Variants in ROBO1 observed in about 807,000 individuals in gnomAD.
ROBO1 encodes the protein roundabout guidance receptor 1.
In ROBO1, 149 loss-of-function variants were observed where a neutral mutation model predicts 195.9. The observed-to-expected ratio is 0.76, with a 90% confidence interval of 0.67 to 0.87. The LOEUF is 0.87. Ranked by LOEUF, ROBO1 falls within the 40% of genes least tolerant of loss-of-function variation. ROBO1 has a pLI of 0.00. For synonymous variants in ROBO1, 816 were observed against 733.2 expected (o/e 1.11, Z -1.82); for missense variants, 1,933 against 2,068.3 (o/e 0.93, Z 1.27).
intron 4 of ROBO1, among the ~76,000 whole-genome samples, chr3:78,797,281 T>C (rs1197443910): frequency 6.6e-6 from 1 of 152,244 alleles, no homozygotes; most frequent in African/African-American, 2.4e-5. Flanking sequence ...CTAATGCCAG[T>C]CACACTGTAA....
intron 3 of ROBO1, among the ~76,000 whole-genome samples, chr3:79,008,825 G>A (rs936878156): frequency 6.9e-6 from 1 of 145,116 alleles, no homozygotes. Context: ...CTGGGCTTAA[G>A]CAATCCTCCC....
chr3:79,109,567 T>C (rs2079847391), intron 3 of ROBO1, among the ~76,000 whole-genome samples: 1 of 152,134 alleles, frequency 6.6e-6, no homozygotes, highest in African/African-American at 2.4e-5. Flanking sequence ...CTATAAATCA[T>C]TCCCATGCAT....
intron 4 of ROBO1, among the ~76,000 whole-genome samples, chr3:78,778,468 C>T (rs1017175908): frequency 2.6e-5 from 4 of 152,108 alleles, no homozygotes; most frequent in Admixed American, 2.0e-4. Flanking sequence ...CATTCCTATA[C>T]ACCAGTAATA....
At chr3:79,393,132 T>C (rs1575765641) in intron 2 of ROBO1, among the ~76,000 whole-genome samples, 2 of 152,230 alleles carry the variant, frequency 1.3e-5, no homozygotes, top group East Asian at 3.8e-4. Context: ...TACTTGTCCA[T>C]CTATCATTTG....
At chr3:79,626,207 G>A (rs897681851) in intron 1 of ROBO1, among the ~76,000 whole-genome samples, 1 of 152,186 alleles carries the variant, frequency 6.6e-6, no homozygotes, top group African/African-American at 2.4e-5. Context: ...AGCACTTTGA[G>A]AGGCTGAGGT....
At chr3:79,685,531 G>A (rs1947077805) in intron 1 of ROBO1, among the ~76,000 whole-genome samples, 1 of 152,120 alleles carries the variant, frequency 6.6e-6, no homozygotes, top group African/African-American at 2.4e-5. Context: ...ACAACGTCCT[G>A]GGATAAAGCA....
intron 2 of ROBO1, among the ~76,000 whole-genome samples, chr3:79,153,721 AAT>A (rs2080811551): frequency 6.8e-6 from 1 of 147,844 alleles, no homozygotes; most frequent in Non-Finnish European, 1.5e-5. Context: ...TATTTATTTG[AAT>A]ATATATTAAA....
intron 3 of ROBO1, among the ~76,000 whole-genome samples, chr3:78,941,665 G>A (rs773881653): frequency 3.3e-5 from 5 of 152,106 alleles, no homozygotes; most frequent in South Asian, 2.1e-4. Flanking sequence ...AGTCAGAAAC[G>A]GAAGACAGGT....
At chr3:78,983,000 T>G (rs902398010) in intron 3 of ROBO1, among the ~76,000 whole-genome samples, 1 of 152,034 alleles carries the variant, frequency 6.6e-6, no homozygotes, top group African/African-American at 2.4e-5. Context: ...CTCTGCCACC[T>G]GGGCTCCAGG....
At chr3:79,389,808 G>A (rs1393573288) in intron 2 of ROBO1, among the ~76,000 whole-genome samples, 3 of 152,144 alleles carry the variant, frequency 2.0e-5, no homozygotes, top group African/African-American at 7.2e-5. Context: ...AAAAAAACAG[G>A]TGTGGTCCAG....
intron 1 of ROBO1, among the ~76,000 whole-genome samples, chr3:79,701,613 G>T (rs1947623964): frequency 6.6e-6 from 1 of 151,534 alleles, no homozygotes; most frequent in South Asian, 2.1e-4. Context: ...TTATTATACA[G>T]ATGAAAAAAC....
intron 4 of ROBO1, among the ~76,000 whole-genome samples, chr3:78,886,193 G>C (rs2107318612): frequency 6.6e-6 from 1 of 151,842 alleles, no homozygotes; most frequent in South Asian, 2.1e-4. Context: ...CTTTTAGGAG[G>C]AAGAAACAAT....
chr3:79,265,490 T>C (rs1374390267), intron 2 of ROBO1, among the ~76,000 whole-genome samples: 1 of 151,592 alleles, frequency 6.6e-6, no homozygotes, highest in East Asian at 1.9e-4. Flanking sequence ...GTTTAATATC[T>C]AGAGGAGAGA....
intron 5 of ROBO1, among the ~76,000 whole-genome samples, chr3:78,733,632 C>A (rs535203744): frequency 6.6e-6 from 1 of 152,204 alleles, no homozygotes; most frequent in African/African-American, 2.4e-5. Context: ...AGAAATATTT[C>A]ATCTGATTAA....
chr3:79,558,143 T>C (rs1342350647), intron 2 of ROBO1, among the ~76,000 whole-genome samples: 1 of 152,158 alleles, frequency 6.6e-6, no homozygotes, highest in Non-Finnish European at 1.5e-5. Flanking sequence ...GTCCACTCAT[T>C]TGCAGATTTT....
rs1269220710 is a variant in ROBO1, at chr3:78,983,541, T to C, written c.173-44614A>G. 2.6e-5 allele frequency among the ~76,000 whole-genome samples: 4 copies of C among 152,188 alleles called. No homozygotes were observed. The East Asian group carries it at 7.7e-4, about 29-fold the overall frequency. On this transcript the variant is annotated intron_variant, in intron 3 of 30. Transcript: ENST00000464233. ...TTAAATGGCCATAAGATTCAAGTAT[T>C]CAAACTTTGCATAATAAAAAGGTAG...
intron 1 of ROBO1, among the ~76,000 whole-genome samples, chr3:79,699,454 T>C (rs879160263): frequency 1.6e-4 from 24 of 151,526 alleles, no homozygotes; most frequent in Non-Finnish European, 3.2e-4. Flanking sequence ...TAAATCAAAT[T>C]GATAAATTGA....
At chr3:79,104,420 G>A (rs1454835564) in intron 3 of ROBO1, among the ~76,000 whole-genome samples, 1 of 151,712 alleles carries the variant, frequency 6.6e-6, no homozygotes, top group Non-Finnish European at 1.5e-5. Flanking sequence ...TGATAAATAT[G>A]CCTGATGTTG....
intron 2 of ROBO1, among the ~76,000 whole-genome samples, chr3:79,488,453 T>C (rs551475122): frequency 2.0e-5 from 3 of 152,270 alleles, no homozygotes; most frequent in East Asian, 3.9e-4. Context: ...AGATAGAGAC[T>C]GAGAATGACA....
Sources: allele counts gnomAD v4.1 joint callset (sites outside exome capture counted in the v4.1 genomes callset), GRCh38; gene constraint gnomAD v4.1.1; transcripts MANE v1.5; gene names NCBI Gene and HGNC (gene_info 2026-07-23, HGNC 2026-07-21).